OSBPL8: variants seen among roughly 807,000 people sequenced by gnomAD.
OSBPL8 encodes the protein oxysterol-binding protein-related protein 8.
In OSBPL8, 59 loss-of-function variants were observed where a neutral mutation model predicts 125.5. The ratio of observed to expected loss-of-function variants is 0.47; its 90% CI spans 0.38 to 0.58. The LOEUF (loss-of-function observed/expected upper bound fraction) is 0.58, where lower values mean the gene tolerates loss of function less well. OSBPL8 is among the 20% of genes least tolerant of loss of function. OSBPL8 has a pLI of 0.00. For synonymous variants in OSBPL8, 330 were observed against 338.9 expected, an observed-to-expected ratio of 0.97 and a Z score of 0.29; for missense variants, 758 against 1,047.8, an observed-to-expected ratio of 0.72 and a Z score of 3.82.
chr12:76,455,468 T>C (rs1336181897), intron 3 of OSBPL8, among the ~76,000 whole-genome samples: 3 of 152,210 alleles, frequency 2.0e-5, no homozygotes, highest in Admixed American at 2.0e-4. Context: ...AAAACATAGG[T>C]GTCCATGTCT....
chr12:76,530,892 C>A (rs902827589), intron 1 of OSBPL8, among the ~76,000 whole-genome samples: 24 of 152,152 alleles, frequency 1.6e-4, no homozygotes, highest in African/African-American at 5.8e-4. Flanking sequence ...TCTTCCACTT[C>A]CAGAAACAAC....
chr12:76,366,921 T>A (rs1230536758), intron 21 of OSBPL8, among the ~76,000 whole-genome samples: 1 of 152,072 alleles, frequency 6.6e-6, no homozygotes, highest in South Asian at 2.1e-4. Flanking sequence ...CTCAACCAAC[T>A]GAGTAGCTGG....
intron 4 of OSBPL8, among the ~76,000 whole-genome samples, chr12:76,431,929 G>C (rs935567312): frequency 6.6e-6 from 1 of 151,984 alleles, no homozygotes; most frequent in Non-Finnish European, 1.5e-5. Flanking sequence ...AAGAATACAT[G>C]TTCTTCTCAA....
chr12:76,397,351 G>A (rs1953854058), intron 8 of OSBPL8, among the ~76,000 whole-genome samples: 1 of 142,462 alleles, frequency 7.0e-6, no homozygotes, highest in Non-Finnish European at 1.5e-5. Flanking sequence ...GTGGGGAGGG[G>A]GGGTGGGGGC....
intron 12 of OSBPL8, among the ~76,000 whole-genome samples, chr12:76,388,534 A>G (rs951454703): frequency 6.6e-6 from 1 of 152,196 alleles, no homozygotes; most frequent in African/African-American, 2.4e-5. Flanking sequence ...AGACCGACAA[A>G]AGTGCAGAAG....
chr12:76,429,277 T>A lies in OSBPL8; in HGVS notation c.218-18643A>T, dbSNP rs996219633. On this transcript the variant is annotated intron_variant, in intron 4 of 23. Transcript: ENST00000261183. ...TTTCCTCTGGATAAAAAGTTCTTTA[T>A]AATTTCATATATATAATTAAAATCA... Among the ~76,000 whole-genome samples, 11 of 151,608 alleles carry A rather than the reference T, an allele frequency of 7.3e-5. 1 individual carries two copies. The highest frequency in any genetic ancestry group is 2.7e-4 in the African/African-American group (11 of 41,310).
intron 8 of OSBPL8, among the ~76,000 whole-genome samples, chr12:76,396,153 A>C (rs903735554): frequency 6.6e-6 from 1 of 152,034 alleles, no homozygotes; most frequent in African/African-American, 2.4e-5. Context: ...TAAATGTCAG[A>C]GGTTCGGGGG....
rs1874711972 is a variant in OSBPL8 at position 76,461,400 on chromosome 12, CACT to C, written c.43-1508_43-1506del. On this transcript the variant is annotated intron_variant, in intron 2 of 23. Coordinates refer to ENST00000261183, the MANE Select transcript of OSBPL8 (RefSeq NM_020841.5). ...CGGTGTTAGTGAGGTCGGCAAACACCACTAAGTGAACTTGGAAGCAGATCTCCC... is the reference window on the plus strand; with the variant it reads ...CGGTGTTAGTGAGGTCGGCAAACACCAAGTGAACTTGGAAGCAGATCTCCC... Among the ~76,000 whole-genome samples the C allele has an allele frequency of 2.6e-5, 4 of 152,090 alleles. 1 individual carries two copies. In the East Asian group the frequency reaches 7.7e-4, roughly 29 times the overall value.
intron 5 of OSBPL8, among the ~76,000 whole-genome samples, chr12:76,404,214 G>C (rs773888248): frequency 2.6e-5 from 4 of 152,158 alleles, no homozygotes; most frequent in Non-Finnish European, 5.9e-5. Context: ...ACAGGTTTCT[G>C]TCTTCTCCTT....
At chr12:76,486,215 C>A (rs1019482338) in intron 2 of OSBPL8, 11 of 278,300 alleles carry the variant, frequency 4.0e-5, no homozygotes, top group Non-Finnish European at 8.0e-5. Context: ...TAATATTAGT[C>A]AGCAAAACTG....
chr12:76,481,102 T>A (rs1029624097), intron 2 of OSBPL8, among the ~76,000 whole-genome samples: 1 of 152,130 alleles, frequency 6.6e-6, no homozygotes, highest in Non-Finnish European at 1.5e-5. Context: ...TAGATACTGA[T>A]AAAAGCAAGA....
At chr12:76,465,992 ACT>A (rs565853868) in intron 2 of OSBPL8, among the ~76,000 whole-genome samples, 36 of 151,982 alleles carry the variant, frequency 2.4e-4, no homozygotes, top group African/African-American at 8.2e-4. Context: ...AAAGAGCAAG[ACT>A]CTGTCTCAAA....
chr12:76,536,628 T>A (rs1358808787), intron 1 of OSBPL8, among the ~76,000 whole-genome samples: 1 of 151,980 alleles, frequency 6.6e-6, no homozygotes, highest in Admixed American at 6.6e-5. Context: ...CCTGAAAGAA[T>A]TTCTAGAGGA....
chr12:76,420,745 T>C (rs879279049), intron 4 of OSBPL8, among the ~76,000 whole-genome samples: 7 of 152,036 alleles, frequency 4.6e-5, no homozygotes, highest in Non-Finnish European at 1.0e-4. Flanking sequence ...TATCAGGAGA[T>C]ATTAGATGTA....
intron 1 of OSBPL8, among the ~76,000 whole-genome samples, chr12:76,533,941 C>T (rs909316548): frequency 6.6e-6 from 1 of 152,004 alleles, no homozygotes; most frequent in African/African-American, 2.4e-5. Flanking sequence ...ATCGGAAAGA[C>T]CAAAAATACA....
chr12:76,491,719 T>TAG (rs1448581445), intron 1 of OSBPL8, among the ~76,000 whole-genome samples: 1 of 152,208 alleles, frequency 6.6e-6, no homozygotes, highest in Non-Finnish European at 1.5e-5. Flanking sequence ...TTGTTGCACT[T>TAG]AACTAATACT....
At chr12:76,384,020 C>T (rs1368918247) in intron 15 of OSBPL8, among the ~76,000 whole-genome samples, 1 of 152,146 alleles carries the variant, frequency 6.6e-6, no homozygotes, top group Admixed American at 6.5e-5. Context: ...CTATAATGGG[C>T]AATCATTCTG....
At chr12:76,448,840 C>T (rs963601545) in intron 4 of OSBPL8, among the ~76,000 whole-genome samples, 1 of 152,090 alleles carries the variant, frequency 6.6e-6, no homozygotes, top group African/African-American at 2.4e-5. Flanking sequence ...CGGTGAAATC[C>T]CGTCTCTACT....
chr12:76,482,232 A>G (rs552676253), intron 2 of OSBPL8, among the ~76,000 whole-genome samples: 30 of 152,354 alleles, frequency 2.0e-4, no homozygotes, highest in African/African-American at 7.0e-4. Flanking sequence ...ATCAATTTTT[A>G]ATACAATAAA....
Sources: gnomAD v4.1 joint callset for allele counts (sites outside exome capture counted in the v4.1 genomes callset) on GRCh38, gnomAD v4.1.1 for gene constraint, MANE v1.5 for transcripts, NCBI Gene and HGNC (gene_info 2026-07-23, HGNC 2026-07-21) for gene names.